Variants in BLNK observed in about 807,000 individuals in gnomAD.
The protein encoded by BLNK is B-cell linker protein.
A neutral mutation model predicts 73.5 loss-of-function variants in BLNK; 29 were observed. The ratio of observed to expected loss-of-function variants is 0.39; its 90% CI spans 0.29 to 0.54. The LOEUF (loss-of-function observed/expected upper bound fraction) is 0.54, where lower values mean the gene tolerates loss of function less well. BLNK is among the 20% of genes least tolerant of loss of function. The pLI is 0.61. For synonymous variants in BLNK, 176 were observed against 200.8 expected (o/e 0.88, Z 1.04); for missense variants, 460 against 562.8 (o/e 0.82, Z 1.85).
chr10:96,192,134 TG>T (rs1183798092), intron 16 of BLNK, 42 bp from the exon 17 acceptor site: 3 of 1,610,812 alleles, frequency 1.9e-6, no homozygotes, highest in Non-Finnish European at 2.5e-6. Flanking sequence ...TTGGCATTTG[TG>T]TTAAATTTGA....
At chr10:96,219,111 G>A (rs782268385) in intron 6 of BLNK, among the ~76,000 whole-genome samples, 26 of 152,186 alleles carry the variant, frequency 1.7e-4, no homozygotes, top group Non-Finnish European at 3.5e-4. Flanking sequence ...TCTCTGCTTC[G>A]TCTCTGGCCC....
rs781980711 is a variant in BLNK at position 96,216,664 on chromosome 10, G to A, written c.596C>T (p.Pro199Leu). 1 of 1,613,966 alleles carries A rather than the reference G, an allele frequency of 6.2e-7. No individual in the cohort carries two copies. Among genetic ancestry groups the A allele is most frequent in the Non-Finnish European group, 8.5e-7 (1 of 1,179,902 alleles). ...CGACAAACTCTTACCTTTTTCAGGT[G>A]GAGGTGAACTGCTTTCTGTGGGATG... The part of the protein sequence containing the change: ...YIHPTESSSP[P>L]PEKAPMVNRS... Residue 199 changes from proline to leucine, a missense_variant, in exon 7 of 17, where the codon CCA becomes CTA. This residue lies in a region of BLNK where 233 missense variants were observed against 232.1 expected (regional missense o/e 1.00). Coordinates refer to ENST00000224337, the MANE Select transcript of BLNK (RefSeq NM_013314.4).
intron 4 of BLNK, among the ~76,000 whole-genome samples, chr10:96,229,654 CTGTGTG>C (rs10625497): frequency 1.8e-3 from 260 of 142,664 alleles, no homozygotes; most frequent in African/African-American, 4.3e-3. Flanking sequence ...TTACATGTGG[CTGTGTG>C]TGTGTGTGTG....
intron 1 of BLNK, among the ~76,000 whole-genome samples, chr10:96,248,458 C>T (rs1843142107): frequency 6.6e-6 from 1 of 152,172 alleles, no homozygotes; most frequent in Non-Finnish European, 1.5e-5. Flanking sequence ...GTCTTTTCGC[C>T]TATCAGACTG....
chr10:96,216,462 C>T, intron 7 of BLNK, 191 bp downstream of exon 7: 1 of 633,386 alleles, frequency 1.6e-6, no homozygotes, highest in Non-Finnish European at 2.9e-6. Context: ...CAGGGAAGGG[C>T]TATGATACAC....
At chr10:96,257,401 G>GT (rs2134125227) in intron 1 of BLNK, among the ~76,000 whole-genome samples, 1 of 152,304 alleles carries the variant, frequency 6.6e-6, no homozygotes, top group African/African-American at 2.4e-5. Flanking sequence ...CCTCGAGCTC[G>GT]TGACAGCGTG....
intron 11 of BLNK, among the ~76,000 whole-genome samples, chr10:96,206,207 A>G (rs1484415291): frequency 1.3e-5 from 2 of 152,188 alleles, no homozygotes; most frequent in Non-Finnish European, 2.9e-5. Flanking sequence ...ACGCACATCA[A>G]CTCAGGGAAG....
intron 3 of BLNK, among the ~76,000 whole-genome samples, chr10:96,234,984 C>T (rs782351217): frequency 2.6e-5 from 4 of 152,238 alleles, no homozygotes; most frequent in Non-Finnish European, 4.4e-5. Context: ...GGGGCTTATG[C>T]TCCATTTACC....
chr10:96,222,078 G>A (rs989576796), intron 6 of BLNK, among the ~76,000 whole-genome samples: 5 of 152,164 alleles, frequency 3.3e-5, no homozygotes, highest in African/African-American at 1.2e-4. Flanking sequence ...AAAGGAATCC[G>A]ACATATATTA....
intron 5 of BLNK, among the ~76,000 whole-genome samples, chr10:96,224,830 T>C (rs1328573473): frequency 6.6e-6 from 1 of 152,178 alleles, no homozygotes; most frequent in Non-Finnish European, 1.5e-5. Flanking sequence ...CTGAAGTAGC[T>C]GGGATTACAG....
At chr10:96,257,598 G>C (rs1159706893) in intron 1 of BLNK, among the ~76,000 whole-genome samples, 1 of 152,106 alleles carries the variant, frequency 6.6e-6, no homozygotes, top group Non-Finnish European at 1.5e-5. Flanking sequence ...TCTTCATCAT[G>C]GATTTCTGGG....
intron 5 of BLNK, among the ~76,000 whole-genome samples, chr10:96,226,658 T>C (rs1842274986): frequency 6.6e-6 from 1 of 151,978 alleles, no homozygotes; most frequent in African/African-American, 2.4e-5. Context: ...CTGGCCAACA[T>C]GAGGAAATCC....
At chr10:96,204,765 C>T in intron 11 of BLNK, 149 bp from the exon 12 acceptor site, 1 of 709,822 alleles carries the variant, frequency 1.4e-6, no homozygotes, top group Non-Finnish European at 2.5e-6. Flanking sequence ...GATCTGTGCA[C>T]TTGCCAGTCT....
intron 1 of BLNK, 76 bp downstream of exon 1, chr10:96,271,268 GATTTCAGT>G: frequency 1.3e-6 from 2 of 1,482,712 alleles, no homozygotes; most frequent in Non-Finnish European, 1.9e-6. Flanking sequence ...AGCATTCCAG[GATTTCAGT>G]ATTTCTGAGA....
chr10:96,251,326 C>T (rs1843277271), intron 1 of BLNK, among the ~76,000 whole-genome samples: 1 of 152,194 alleles, frequency 6.6e-6, no homozygotes, highest in Non-Finnish European at 1.5e-5. Context: ...TTGGCCATTT[C>T]ATTTTGAAGT....
intron 4 of BLNK, among the ~76,000 whole-genome samples, chr10:96,228,214 C>T (rs587760981): frequency 5.6e-4 from 85 of 152,036 alleles, no homozygotes; most frequent in African/African-American, 1.9e-3. Context: ...ATTCTCCTGC[C>T]CTAGTCTCCC....
At position 96,245,574 on chromosome 10, in the gene BLNK, G is replaced by A. The variant is rs1349295312; in HGVS notation, c.113+1410C>T. ...CCTTAAAGATGGCCACCAATATATA[G>A]CTAGTTAATTGAATTATAATATATT... is the stretch of plus-strand genomic sequence containing the variant. On this transcript the variant is annotated intron_variant, in intron 2 of 16. Coordinates refer to ENST00000224337, the MANE Select transcript of BLNK (RefSeq NM_013314.4). Among the ~76,000 whole-genome samples, 13 of 152,130 alleles carry A rather than the reference G, an allele frequency of 8.5e-5. 1 individual carries two copies. In the South Asian group the frequency reaches 2.5e-3, roughly 29 times the overall value.
intron 1 of BLNK, among the ~76,000 whole-genome samples, chr10:96,267,481 G>A (rs1308813328): frequency 6.6e-6 from 1 of 152,134 alleles, no homozygotes; most frequent in Non-Finnish European, 1.5e-5. Context: ...AGGTGAATTT[G>A]TTTCTGAAGA....
chr10:96,271,528 G>A lies in BLNK; in HGVS notation c.-130C>T, dbSNP rs2134166808. ...CCGGCCACTCAAGTCTGATTTCTGAGAGTGCAGGCTGCTGGCAAACACCCC... is the reference window on the plus strand; with the variant it reads ...CCGGCCACTCAAGTCTGATTTCTGAAAGTGCAGGCTGCTGGCAAACACCCC... On this transcript the variant is annotated 5_prime_UTR_variant, in exon 1 of 17. Coordinates refer to ENST00000224337, the MANE Select transcript of BLNK (RefSeq NM_013314.4). 2.1e-6 allele frequency: 2 copies of A among 935,324 alleles called. No individual in the cohort carries two copies. Among genetic ancestry groups the A allele is most frequent in the African/African-American group, 1.6e-5 (1 of 61,424 alleles). The allele number at this position is 935,324 out of a possible 1,614,324, so 57.9% of individuals were successfully genotyped here. A position where few individuals can be genotyped will look rare whatever the true frequency, so the allele number is the denominator to read the frequency against.
Sources: allele counts gnomAD v4.1 joint callset (sites outside exome capture counted in the v4.1 genomes callset), GRCh38; gene constraint gnomAD v4.1.1; regional missense constraint gnomAD v4.1.1; transcripts MANE v1.5; gene names NCBI Gene and HGNC (gene_info 2026-07-23, HGNC 2026-07-21).